Variants in TMEM132C observed in about 807,000 individuals in gnomAD.
TMEM132C encodes the protein protein phosphatase 1, regulatory subunit 152.
A neutral mutation model predicts 61.4 loss-of-function variants in TMEM132C; 29 were observed. The ratio of observed to expected loss-of-function variants is 0.47; its 90% confidence interval spans 0.35 to 0.64. The LOEUF is 0.64. Ranked by LOEUF, TMEM132C falls within the 30% of genes least tolerant of loss-of-function variation. The pLI is 0.00. For synonymous variants in TMEM132C, 656 were observed against 633.1 expected, an observed-to-expected ratio of 1.04 and a Z score of -0.54; for missense variants, 1,408 against 1,476.9, an observed-to-expected ratio of 0.95 and a Z score of 0.76.
intron 1 of TMEM132C, among the ~76,000 whole-genome samples, chr12:128,305,539 CTTTTTT>C (rs34692834): frequency 7.1e-6 from 1 of 141,618 alleles, no homozygotes; most frequent in African/African-American, 2.6e-5. Context: ...GGTTTTGTGG[CTTTTTT>C]TTTTTTTTCC....
At chr12:128,658,021 A>G (rs1268311584) in intron 4 of TMEM132C, among the ~76,000 whole-genome samples, 5 of 150,320 alleles carry the variant, frequency 3.3e-5, no homozygotes, top group African/African-American at 1.2e-4. Flanking sequence ...CGCAGCTCCC[A>G]TGGAGGCCAC....
rs1224431426 is a variant in TMEM132C at position 128,705,588 on chromosome 12, G to A, written c.2620G>A (p.Ala874Thr). The A allele has an allele frequency of 2.6e-6, 4 of 1,551,042 alleles. No individual in the cohort carries two copies. Among genetic ancestry groups the A allele is most frequent in the Non-Finnish European group, 3.5e-6 (4 of 1,147,004 alleles). The change falls in exon 9 of 9, where the codon GCA becomes ACA. Residue 874 changes from alanine to threonine, a missense_variant. Transcript: ENST00000435159. The stretch of plus-strand genomic sequence containing the variant: ...CAACAAAGTGGTGAAGAACAGTCGG[G>A]CAGACGGGGGCAGGCTGGCAGGAGA... ...LDNKVVKNSRADGGRLAGEGQ... is the reference protein window; with the variant it reads ...LDNKVVKNSRTDGGRLAGEGQ...
chr12:128,325,785 G>A (rs1872490828), intron 1 of TMEM132C, among the ~76,000 whole-genome samples: 1 of 152,094 alleles, frequency 6.6e-6, no homozygotes, highest in South Asian at 2.1e-4. Context: ...CCCCCATTTG[G>A]TGACCTGGAA....
intron 2 of TMEM132C, among the ~76,000 whole-genome samples, chr12:128,456,213 G>A (rs558760041): frequency 6.6e-6 from 1 of 152,092 alleles, no homozygotes; most frequent in South Asian, 2.1e-4. Context: ...CTTGACAGCA[G>A]ACACACAAAG....
In TMEM132C at chr12:128,310,885, T is replaced by C. The variant is rs1871943453; in HGVS notation, c.85+43398T>C. ...AATATGGAGAAGAGAAGAATTTAAA[T>C]GTTCCCAGAATAAAGAGAAGATGAC... On this transcript the variant is annotated intron_variant, in intron 1 of 8. Transcript: ENST00000435159. 3.3e-5 allele frequency among the ~76,000 whole-genome samples: 5 copies of C among 152,288 alleles called. No individual in the cohort carries two copies. In the South Asian group the frequency reaches 1.0e-3, roughly 32 times the overall value.
At chr12:128,460,971 G>A (rs112590928) in intron 2 of TMEM132C, among the ~76,000 whole-genome samples, 6 of 152,182 alleles carry the variant, frequency 3.9e-5, no homozygotes, top group African/African-American at 1.4e-4. Flanking sequence ...AGTAGCTAGG[G>A]AGAGGATGCG....
At chr12:128,537,288 C>T (rs1873566342) in intron 2 of TMEM132C, among the ~76,000 whole-genome samples, 1 of 152,184 alleles carries the variant, frequency 6.6e-6, no homozygotes, top group African/African-American at 2.4e-5. Flanking sequence ...AAGGGCAAGG[C>T]AGTATCAGGC....
At chr12:128,344,886 G>C (rs922067037) in intron 1 of TMEM132C, among the ~76,000 whole-genome samples, 1 of 148,732 alleles carries the variant, frequency 6.7e-6, no homozygotes, top group East Asian at 2.0e-4. Flanking sequence ...TGCAGGTTCT[G>C]TTGAGCCTAA....
intron 5 of TMEM132C, among the ~76,000 whole-genome samples, chr12:128,690,450 G>A (rs748127403): frequency 2.0e-5 from 3 of 152,128 alleles, no homozygotes; most frequent in East Asian, 1.9e-4. Context: ...TAGCAGTGAC[G>A]ATGGCTCTAT....
chr12:128,332,933 G>C (rs1299403771), intron 1 of TMEM132C, among the ~76,000 whole-genome samples: 1 of 152,206 alleles, frequency 6.6e-6, no homozygotes, highest in Non-Finnish European at 1.5e-5. Flanking sequence ...ATTTGCTAAA[G>C]AAAATGTGAA....
chr12:128,624,995 A>G (rs12307688), intron 4 of TMEM132C, among the ~76,000 whole-genome samples: 9,397 of 152,186 alleles, frequency 0.062, 942 homozygotes, highest in African/African-American at 0.21. Flanking sequence ...AGAAACTAGC[A>G]AGGGAGGGGG....
intron 2 of TMEM132C, among the ~76,000 whole-genome samples, chr12:128,436,517 T>C (rs1445758529): frequency 3.3e-5 from 5 of 152,230 alleles, no homozygotes; most frequent in Admixed American, 2.0e-4. Context: ...AAAGAAGACA[T>C]TTATGCAGCC....
intron 1 of TMEM132C, among the ~76,000 whole-genome samples, chr12:128,408,831 C>T (rs965778937): frequency 2.6e-5 from 4 of 152,086 alleles, no homozygotes; most frequent in African/African-American, 4.8e-5. Flanking sequence ...AATCCAAGTC[C>T]GTTTGGCTGC....
intron 2 of TMEM132C, among the ~76,000 whole-genome samples, chr12:128,455,944 A>G (rs1870325324): frequency 6.6e-6 from 1 of 152,208 alleles, no homozygotes; most frequent in Non-Finnish European, 1.5e-5. Context: ...GTGTTTATAA[A>G]ACAAAGATAA....
At chr12:128,451,405 A>C (rs2136057879) in intron 2 of TMEM132C, among the ~76,000 whole-genome samples, 1 of 152,302 alleles carries the variant, frequency 6.6e-6, no homozygotes. Flanking sequence ...TCTGATTTCT[A>C]GAAAATTGAT....
intron 2 of TMEM132C, among the ~76,000 whole-genome samples, chr12:128,492,347 A>G (rs1018041038): frequency 1.3e-5 from 2 of 152,178 alleles, no homozygotes; most frequent in Admixed American, 1.3e-4. Context: ...ATGATTTATA[A>G]TCCTTTGGGT....
At chr12:128,351,282 G>A (rs1292802987) in intron 1 of TMEM132C, among the ~76,000 whole-genome samples, 2 of 152,128 alleles carry the variant, frequency 1.3e-5, no homozygotes, top group East Asian at 3.9e-4. Context: ...ACTCCTAGGG[G>A]CTGAGAAGGG....
At chr12:128,690,853 C>T (rs184596910) in intron 5 of TMEM132C, among the ~76,000 whole-genome samples, 1 of 152,326 alleles carries the variant, frequency 6.6e-6, no homozygotes, top group East Asian at 1.9e-4. Context: ...GGAGCAAATT[C>T]TCTCAGCCCA....
Position 128,278,826 on chromosome 12 carries a change from A to C in TMEM132C, c.85+11339A>C, listed in dbSNP as rs1870784775. On this transcript the variant is annotated intron_variant, in intron 1 of 8. Coordinates refer to ENST00000435159, the MANE Select transcript of TMEM132C (RefSeq NM_001136103.3). The surrounding 1 kb of genome is among the most constrained non-coding windows in gnomAD (Gnocchi z 4.2). ...ACAAATTGGTGGATTTTGATAAAAC[A>C]GGTTACTCTGCATAATGTGGGTAGC... Among the ~76,000 whole-genome samples the C allele has an allele frequency of 6.6e-6, 1 of 151,766 alleles. No individual in the cohort carries two copies. Among genetic ancestry groups the C allele is most frequent in the Non-Finnish European group, 1.5e-5 (1 of 67,974 alleles).
Sources: gnomAD v4.1 joint callset for allele counts (sites outside exome capture counted in the v4.1 genomes callset) on GRCh38, gnomAD v4.1.1 for gene constraint, Gnocchi (gnomAD v3.1) non-coding constraint, MANE v1.5 for transcripts, NCBI Gene and HGNC (gene_info 2026-07-23, HGNC 2026-07-21) for gene names.